Variants in BRIP1 observed in about 807,000 individuals in gnomAD.
The protein encoded by BRIP1 is BRCA1 interacting DNA helicase 1.
A neutral mutation model predicts 119.7 loss-of-function variants in BRIP1; 88 were observed. The ratio of observed to expected loss-of-function variants is 0.74; its 90% CI spans 0.62 to 0.88. BRIP1 has a LOEUF of 0.88. Ranked by LOEUF, BRIP1 falls within the 40% of genes least tolerant of loss-of-function variation. The pLI, the probability that BRIP1 is intolerant of heterozygous loss-of-function variation, is 0.00. For missense variants in BRIP1, 1,259 were observed against 1,455.4 expected, an observed-to-expected ratio of 0.87 and a Z score of 2.20; for synonymous variants, 443 against 496.5, an observed-to-expected ratio of 0.89 and a Z score of 1.43.
Position 61,683,556 on chromosome 17 carries a change from A to AATCTGAATT in BRIP1, c.3481_3489dup (p.Asn1161_Asp1163dup), listed in dbSNP as rs2061304922. The stretch of plus-strand genomic sequence containing the variant: ...TCAAAAAGGTCTTTAGCTAAAATGC[A>AATCTGAATT]ATCTGAATTGTTAGCCAATCTATTT... On this transcript the variant is annotated inframe_insertion, in exon 20 of 20. Coordinates refer to ENST00000259008, the MANE Select transcript of BRIP1 (RefSeq NM_032043.3). This position sits in a 1 kb window ranked among gnomAD's most constrained non-coding sequence, Gnocchi z 4.7. 3 of 1,613,134 alleles carry AATCTGAATT rather than the reference A, an allele frequency of 1.9e-6. No homozygotes were observed. The South Asian group carries it at 3.3e-5, about 18-fold the overall frequency.
In BRIP1 at chr17:61,815,584, TACTC is replaced by T. The variant is rs2078224834; in HGVS notation, c.628-6831_628-6828del. Among the ~76,000 whole-genome samples, 1 of 152,210 alleles carries T rather than the reference TACTC, an allele frequency of 6.6e-6. No homozygotes were observed. The highest frequency in any genetic ancestry group is 1.5e-5 in the Non-Finnish European group (1 of 68,022). On this transcript the variant is annotated intron_variant, in intron 6 of 19. Coordinates refer to ENST00000259008, the MANE Select transcript of BRIP1 (RefSeq NM_032043.3). This position sits in a 1 kb window ranked among gnomAD's most constrained non-coding sequence, Gnocchi z 4.1. ...ACCTAATATTAACATAAGGCTAAAA[TACTC>T]AGTTCACTAATGTATATTTCTAACT...
Position 61,772,544 on chromosome 17 carries a change from C to T in BRIP1, c.2097+3857G>A, listed in dbSNP as rs555722466. ...ACACACAAAAAATGCTAAGGCCGAACGCAGTGGCTCACGCCTGTAATCCCA... is the reference window on the plus strand; with the variant it reads ...ACACACAAAAAATGCTAAGGCCGAATGCAGTGGCTCACGCCTGTAATCCCA... On this transcript the variant is annotated intron_variant, in intron 14 of 19. Transcript: ENST00000259008. 3.3e-5 allele frequency among the ~76,000 whole-genome samples: 5 copies of T among 152,156 alleles called. No homozygotes were observed. The East Asian group carries it at 5.8e-4, about 18-fold the overall frequency.
At chr17:61,830,126 G>T (rs2078468788) in intron 6 of BRIP1, among the ~76,000 whole-genome samples, 1 of 151,588 alleles carries the variant, frequency 6.6e-6, no homozygotes, top group Admixed American at 6.6e-5. Flanking sequence ...TAGAGACAGG[G>T]TTTTGCCACG....
chr17:61,850,524 T>C (rs2078803871), intron 4 of BRIP1, among the ~76,000 whole-genome samples: 1 of 152,148 alleles, frequency 6.6e-6, no homozygotes, highest in African/African-American at 2.4e-5. Context: ...GGTCCAATAC[T>C]GTTTTCAAAA....
In BRIP1 at chr17:61,831,436, C is replaced by T. The variant is rs183710786; in HGVS notation, c.627+15665G>A. On this transcript the variant is annotated intron_variant, in intron 6 of 19. Coordinates refer to ENST00000259008, the MANE Select transcript of BRIP1 (RefSeq NM_032043.3). This position sits in a 1 kb window ranked among gnomAD's most constrained non-coding sequence, Gnocchi z 4.1. ...AAATATACAAAAATGAATTCTACTT[C>T]TATAATAGTAATGAATAACTGGAAG... is the stretch of plus-strand genomic sequence containing the variant. 1.9e-4 allele frequency among the ~76,000 whole-genome samples: 29 copies of T among 152,236 alleles called. No homozygotes were observed. The highest frequency in any genetic ancestry group is 3.4e-3 in the Middle Eastern group (1 of 294).
intron 6 of BRIP1, among the ~76,000 whole-genome samples, chr17:61,840,868 T>C (rs1331334876): frequency 6.6e-6 from 1 of 151,222 alleles, no homozygotes; most frequent in African/African-American, 2.4e-5. Flanking sequence ...AGTATAAAAA[T>C]AGACACATAG....
In BRIP1 at chr17:61,707,996, G is replaced by A. The variant is rs1388979605; in HGVS notation, c.2492+7955C>T. Among the ~76,000 whole-genome samples, 10 of 151,942 alleles carry A rather than the reference G, an allele frequency of 6.6e-5. No homozygotes were observed. The East Asian group carries it at 7.7e-4, about 12-fold the overall frequency. On this transcript the variant is annotated intron_variant, in intron 17 of 19. Coordinates refer to ENST00000259008, the MANE Select transcript of BRIP1 (RefSeq NM_032043.3). Reference sequence around the variant, plus strand: ...TGAGTAGCTGGGATTACAGGCGTGCGCCACCATACCTGGCTAATTTTTGTA... The same window carrying A: ...TGAGTAGCTGGGATTACAGGCGTGCACCACCATACCTGGCTAATTTTTGTA...
In BRIP1 at chr17:61,778,385, A is replaced by G. The variant is rs1330143892; in HGVS notation, c.1936-1823T>C. On this transcript the variant is annotated intron_variant, in intron 13 of 19. Coordinates refer to ENST00000259008, the MANE Select transcript of BRIP1 (RefSeq NM_032043.3). The surrounding 1 kb of genome is among the most constrained non-coding windows in gnomAD (Gnocchi z 4.4). ...ATGGGAACAGAGTTTCAGTTTTTCAAGAGGAGAAAGTCTTGAGATTGGTTG... is the reference window on the plus strand; with the variant it reads ...ATGGGAACAGAGTTTCAGTTTTTCAGGAGGAGAAAGTCTTGAGATTGGTTG... Among the ~76,000 whole-genome samples, 1 of 152,188 alleles carries G rather than the reference A, an allele frequency of 6.6e-6. No homozygotes were observed. The highest frequency in any genetic ancestry group is 1.5e-5 in the Non-Finnish European group (1 of 68,038).
At chr17:61,786,728 T>A (rs1338182928) in intron 10 of BRIP1, among the ~76,000 whole-genome samples, 8 of 140,384 alleles carry the variant, frequency 5.7e-5, no homozygotes, top group African/African-American at 2.1e-4. Context: ...CTTTTTAAAG[T>A]GAGTTCTGTG....
At position 61,760,947 on chromosome 17, in the gene BRIP1, T is replaced by C. The variant is rs1012676534; in HGVS notation, c.2097+15454A>G. ...TGATACCAAGGCCAGATAAGGACAATACAAGAAAAGAAAACTGTAGGCCAA... is the reference window on the plus strand; with the variant it reads ...TGATACCAAGGCCAGATAAGGACAACACAAGAAAAGAAAACTGTAGGCCAA... On this transcript the variant is annotated intron_variant, in intron 14 of 19. Transcript: ENST00000259008. The surrounding 1 kb of genome is among the most constrained non-coding windows in gnomAD (Gnocchi z 4.6). 3.9e-5 allele frequency among the ~76,000 whole-genome samples: 6 copies of C among 151,902 alleles called. No individual in the cohort carries two copies. Among genetic ancestry groups the C allele is most frequent in the South Asian group, 4.1e-4 (2 of 4,820 alleles).
chr17:61,732,583 A>G (rs1295722666), intron 16 of BRIP1, among the ~76,000 whole-genome samples: 1 of 152,198 alleles, frequency 6.6e-6, no homozygotes, highest in South Asian at 2.1e-4. Flanking sequence ...ACTAGTGTAG[A>G]GACAGCATCT....
chr17:61,808,548 C>A lies in BRIP1; in HGVS notation c.837G>T (p.Arg279Ser), dbSNP rs759584091. 6.2e-7 allele frequency: 1 copy of A among 1,613,500 alleles called. No individual in the cohort carries two copies. Among genetic ancestry groups the A allele is most frequent in the Non-Finnish European group, 8.5e-7 (1 of 1,179,528 alleles). ...SGVPMTILSSRDHTCVHPEVV... is the reference protein window; with the variant it reads ...SGVPMTILSSSDHTCVHPEVV... ...CCTCAGGATGGACACAAGTATGATCCCTGCTGGAAAGAATAGTCATTGGAA... is the reference window on the plus strand; with the variant it reads ...CCTCAGGATGGACACAAGTATGATCACTGCTGGAAAGAATAGTCATTGGAA... The change falls in exon 7 of 20, where the codon AGG (arginine) becomes AGT (serine). Residue 279 changes from arginine to serine, a missense_variant. This residue lies in a region of BRIP1 where 501 missense variants were observed against 544.0 expected (regional missense o/e 0.92). Coordinates refer to ENST00000259008, the MANE Select transcript of BRIP1 (RefSeq NM_032043.3). The surrounding 1 kb of genome is among the most constrained non-coding windows in gnomAD (Gnocchi z 4.1).
chr17:61,827,107 T>G lies in BRIP1; in HGVS notation c.628-18350A>C, dbSNP rs1279977020. Among the ~76,000 whole-genome samples the G allele has an allele frequency of 6.6e-6, 1 of 152,086 alleles. No homozygotes were observed. The highest frequency in any genetic ancestry group is 1.5e-5 in the Non-Finnish European group (1 of 68,016). On this transcript the variant is annotated intron_variant, in intron 6 of 19. Coordinates refer to ENST00000259008, the MANE Select transcript of BRIP1 (RefSeq NM_032043.3). This position sits in a 1 kb window ranked among gnomAD's most constrained non-coding sequence, Gnocchi z 5.8. ...TATGTAGCCATAAAAAAAATGAGACTGTGTCCTTTACAGAAACTTAGATAG... is the reference window on the plus strand; with the variant it reads ...TATGTAGCCATAAAAAAAATGAGACGGTGTCCTTTACAGAAACTTAGATAG...
intron 17 of BRIP1, among the ~76,000 whole-genome samples, chr17:61,694,232 T>C (rs1315973071): frequency 4.3e-4 from 65 of 152,138 alleles, no homozygotes; most frequent in Non-Finnish European, 1.5e-5. Context: ...TGCCCACTAA[T>C]TGTTACTCCA....
intron 17 of BRIP1, among the ~76,000 whole-genome samples, chr17:61,712,319 T>A (rs182494586): frequency 1.6e-4 from 24 of 152,190 alleles, no homozygotes; most frequent in Admixed American, 3.3e-4. Context: ...GTTCAAGCAA[T>A]TCTCCTGCCT....
Position 61,795,163 on chromosome 17 carries a change from G to C in BRIP1, c.1341-1434C>G, listed in dbSNP as rs1174413767. On this transcript the variant is annotated intron_variant, in intron 9 of 19. Transcript: ENST00000259008. The surrounding 1 kb of genome is among the most constrained non-coding windows in gnomAD (Gnocchi z 5.6). ...TTTATGGGGTACATGTTTTGATACA[G>C]GCATGCAATATGTAATAATCACATC... Among the ~76,000 whole-genome samples, 3 of 151,982 alleles carry C rather than the reference G, an allele frequency of 2.0e-5. No individual in the cohort carries two copies. Among genetic ancestry groups the C allele is most frequent in the Non-Finnish European group, 4.4e-5 (3 of 67,968 alleles).
At position 61,761,642 on chromosome 17, in the gene BRIP1, T is replaced by A. The variant is rs2077278360; in HGVS notation, c.2097+14759A>T. ...ATAACAGACTATCCAAAAAAGAAAT[T>A]AAGAGAACTCCTTTTACAATAGCTA... On this transcript the variant is annotated intron_variant, in intron 14 of 19. Transcript: ENST00000259008. The surrounding 1 kb of genome is among the most constrained non-coding windows in gnomAD (Gnocchi z 6.4). 6.6e-6 allele frequency among the ~76,000 whole-genome samples: 1 copy of A among 151,212 alleles called. No homozygotes were observed. The highest frequency in any genetic ancestry group is 1.5e-5 in the Non-Finnish European group (1 of 67,720).
rs1344121745 is a variant in BRIP1 at position 61,756,526 on chromosome 17, G to C, written c.2098-11935C>G. Among the ~76,000 whole-genome samples the C allele has an allele frequency of 6.6e-6, 1 of 152,142 alleles. No individual in the cohort carries two copies. Among genetic ancestry groups the C allele is most frequent in the African/African-American group, 2.4e-5 (1 of 41,428 alleles). ...ACATCACTTCAATTTGTTAACCTCAGAGGCAATTTTTTTTAAAGTCAGATC... is the reference window on the plus strand; with the variant it reads ...ACATCACTTCAATTTGTTAACCTCACAGGCAATTTTTTTTAAAGTCAGATC... On this transcript the variant is annotated intron_variant, in intron 14 of 19. Transcript: ENST00000259008. This position sits in a 1 kb window ranked among gnomAD's most constrained non-coding sequence, Gnocchi z 4.3.
At chr17:61,829,972 G>C (rs2078465853) in intron 6 of BRIP1, among the ~76,000 whole-genome samples, 1 of 145,864 alleles carries the variant, frequency 6.9e-6, no homozygotes, top group African/African-American at 2.6e-5. Context: ...CGCTCTTGTT[G>C]CCCAGGCTTG....
Sources: allele counts gnomAD v4.1 joint callset (sites outside exome capture counted in the v4.1 genomes callset), GRCh38; gene constraint gnomAD v4.1.1; regional missense constraint gnomAD v4.1.1; non-coding constraint Gnocchi (gnomAD v3.1); transcripts MANE v1.5; gene names NCBI Gene and HGNC (gene_info 2026-07-23, HGNC 2026-07-21).